SLC25A17: variants seen among roughly 807,000 people sequenced by gnomAD.
The protein encoded by SLC25A17 is solute carrier family 25 member 17, also known as peroxisomal membrane protein PMP34.
Under a neutral mutation model 38.5 loss-of-function variants are expected in SLC25A17, and 26 were observed. That is an observed-to-expected ratio of 0.68 (90% CI 0.50 to 0.94). SLC25A17 has a LOEUF of 0.94. Ranked by LOEUF, SLC25A17 falls within the 40% of genes least tolerant of loss-of-function variation. The pLI is 0.00. For synonymous variants in SLC25A17, 139 were observed against 136.2 expected (o/e 1.02, Z -0.14); for missense variants, 333 against 372.7 (o/e 0.89, Z 0.88).
chr22:40,773,283 G>T (rs1461228841), intron 8 of SLC25A17, among the ~76,000 whole-genome samples: 1 of 151,952 alleles, frequency 6.6e-6, no homozygotes, highest in South Asian at 2.1e-4. Flanking sequence ...GGTGGCAGGC[G>T]CCTGTAGTCC....
chr22:40,819,190 C>G lies in SLC25A17; in HGVS notation c.54+5G>C, dbSNP rs1281282761. ...TGCGGCCCGGGCGTAAAGACCCCGT[C>G]TCACCACGGCTCCGGCCACGGCGTG... On this transcript the variant is annotated splice_donor_5th_base_variant and intron_variant, in intron 1 of 8. Coordinates refer to ENST00000435456, the MANE Select transcript of SLC25A17 (RefSeq NM_006358.4). 2 of 1,613,598 alleles carry G rather than the reference C, an allele frequency of 1.2e-6. No individual in the cohort carries two copies. Among genetic ancestry groups the G allele is most frequent in the Non-Finnish European group, 1.7e-6 (2 of 1,180,012 alleles).
chr22:40,783,837 C>T (rs2057314334), intron 4 of SLC25A17, among the ~76,000 whole-genome samples: 1 of 152,162 alleles, frequency 6.6e-6, no homozygotes, highest in Non-Finnish European at 1.5e-5. Context: ...TCCCAAGTAG[C>T]TGGGATGATA....
chr22:40,807,704 G>A (rs538173879), intron 1 of SLC25A17, among the ~76,000 whole-genome samples: 12 of 152,148 alleles, frequency 7.9e-5, no homozygotes, highest in African/African-American at 2.4e-4. Context: ...AGCCGAGATC[G>A]CGCCACTGCA....
intron 7 of SLC25A17, chr22:40,776,404 G>T: frequency 2.5e-6 from 1 of 399,388 alleles, no homozygotes; most frequent in Non-Finnish European, 5.0e-6. Flanking sequence ...CTCTGACTTT[G>T]TAAAGGATAA....
At chr22:40,804,723 T>C (rs1167437298) in intron 1 of SLC25A17, among the ~76,000 whole-genome samples, 2 of 152,190 alleles carry the variant, frequency 1.3e-5, no homozygotes, top group Non-Finnish European at 2.9e-5. Flanking sequence ...AAGTGTTTTA[T>C]TGAGTGTGTG....
intron 1 of SLC25A17, among the ~76,000 whole-genome samples, chr22:40,805,762 G>T (rs2057524522): frequency 6.6e-6 from 1 of 152,166 alleles, no homozygotes; most frequent in South Asian, 2.1e-4. Flanking sequence ...CTGACACTTT[G>T]ATTTTAACTC....
At chr22:40,799,104 CA>C (rs749719604) in intron 1 of SLC25A17, 21 bp from the exon 2 acceptor site, 1 of 1,599,998 alleles carries the variant, frequency 6.3e-7, no homozygotes, top group South Asian at 1.1e-5. Flanking sequence ...TGAAAAAGGC[CA>C]TTACAGCATC....
At chr22:40,786,291 AC>A (rs1450207930) in intron 4 of SLC25A17, among the ~76,000 whole-genome samples, 1 of 151,790 alleles carries the variant, frequency 6.6e-6, no homozygotes, top group Non-Finnish European at 1.5e-5. Flanking sequence ...AGCCTGGGTG[AC>A]AAAGTGAAAC....
intron 8 of SLC25A17, among the ~76,000 whole-genome samples, chr22:40,773,460 C>T (rs945314092): frequency 6.6e-6 from 1 of 150,468 alleles, no homozygotes; most frequent in African/African-American, 2.4e-5. Flanking sequence ...TGTGTAGCCT[C>T]TAGGTCAGTG....
intron 4 of SLC25A17, among the ~76,000 whole-genome samples, chr22:40,783,260 G>A (rs2057309646): frequency 6.6e-6 from 1 of 152,098 alleles, no homozygotes; most frequent in Non-Finnish European, 1.5e-5. Context: ...ATTTTGGGGT[G>A]GAAAATTATT....
chr22:40,805,636 A>C (rs1056906309), intron 1 of SLC25A17, among the ~76,000 whole-genome samples: 41 of 152,156 alleles, frequency 2.7e-4, no homozygotes, highest in Non-Finnish European at 1.0e-4. Context: ...GCTTAAAAAA[A>C]GTTCTGTGCA....
At chr22:40,798,706 C>T (rs1395761852) in intron 2 of SLC25A17, among the ~76,000 whole-genome samples, 2 of 144,564 alleles carry the variant, frequency 1.4e-5, no homozygotes, top group African/African-American at 5.1e-5. Context: ...GGTGGCTCAT[C>T]CCTGTAATCC....
chr22:40,815,912 C>T (rs1162979732), intron 1 of SLC25A17, among the ~76,000 whole-genome samples: 6 of 152,132 alleles, frequency 3.9e-5, no homozygotes, highest in Non-Finnish European at 5.9e-5. Context: ...CCAGGCCAGG[C>T]GCAGTGGCTC....
intron 4 of SLC25A17, chr22:40,784,453 A>G (rs1392443618): frequency 6.5e-6 from 1 of 153,360 alleles, no homozygotes; most frequent in Non-Finnish European, 1.5e-5. Flanking sequence ...AATATCAATA[A>G]AAATAAATAT....
chr22:40,819,190 C>T lies in SLC25A17; in HGVS notation c.54+5G>A. On this transcript the variant is annotated splice_donor_5th_base_variant and intron_variant, in intron 1 of 8. Coordinates refer to ENST00000435456, the MANE Select transcript of SLC25A17 (RefSeq NM_006358.4). ...TGCGGCCCGGGCGTAAAGACCCCGT[C>T]TCACCACGGCTCCGGCCACGGCGTG... The T allele has an allele frequency of 6.2e-7, 1 of 1,613,716 alleles. No homozygotes were observed. The highest frequency in any genetic ancestry group is 8.5e-7 in the Non-Finnish European group (1 of 1,180,004).
chr22:40,780,633 T>C (rs531939827), intron 4 of SLC25A17, among the ~76,000 whole-genome samples: 1 of 152,304 alleles, frequency 6.6e-6, no homozygotes, highest in South Asian at 2.1e-4. Context: ...GAAAGTGCTA[T>C]TGAGCAGTCT....
At chr22:40,784,628 T>A (rs1240471293) in intron 4 of SLC25A17, 1 of 203,110 alleles carries the variant, frequency 4.9e-6, no homozygotes, top group Non-Finnish European at 1.1e-5. Context: ...AAAAAAAAAT[T>A]AGCTGGGTGT....
At chr22:40,773,410 CAAAAAA>C (rs59479764) in intron 8 of SLC25A17, among the ~76,000 whole-genome samples, 2 of 74,336 alleles carry the variant, frequency 2.7e-5, no homozygotes, top group African/African-American at 5.4e-5. Context: ...ACTCTGTCTC[CAAAAAA>C]AAAAAAAAAA....
rs748656757 is a variant in SLC25A17 at position 40,802,569 on chromosome 22, C to T, written c.55-3486G>A. 7.8e-4 allele frequency among the ~76,000 whole-genome samples: 118 copies of T among 152,002 alleles called. 2 individuals carry two copies. Among genetic ancestry groups the T allele is most frequent in the Non-Finnish European group, 7.2e-4 (49 of 67,994 alleles). ...CTGAGGCAAGAGAATCACTTGAACC[C>T]GGGAGGCGGAGGTTGCAGTGAGCCA... On this transcript the variant is annotated intron_variant, in intron 1 of 8. Coordinates refer to ENST00000435456, the MANE Select transcript of SLC25A17 (RefSeq NM_006358.4).
Sources: allele counts gnomAD v4.1 joint callset (sites outside exome capture counted in the v4.1 genomes callset), GRCh38; gene constraint gnomAD v4.1.1; transcripts MANE v1.5; gene names NCBI Gene and HGNC (gene_info 2026-07-23, HGNC 2026-07-21).